Variants in ESRRB observed in about 807,000 individuals in gnomAD.
ESRRB encodes estrogen related receptor beta, also known as steroid hormone receptor ERR2.
In ESRRB, 16 loss-of-function variants were observed where a neutral mutation model predicts 46.0. That is an observed-to-expected ratio of 0.35 (90% CI 0.24 to 0.53). The LOEUF is 0.53. Ranked by LOEUF, ESRRB falls within the 20% of genes least tolerant of loss-of-function variation. The pLI is 0.93. For missense variants in ESRRB, 488 were observed against 607.4 expected (o/e 0.80, Z 2.07); for synonymous variants, 246 against 259.6 (o/e 0.95, Z 0.50).
chr14:76,383,842 A>C (rs1885112843), intron 1 of ESRRB, among the ~76,000 whole-genome samples: 1 of 152,230 alleles, frequency 6.6e-6, no homozygotes, highest in African/African-American at 2.4e-5. Context: ...GTTTTGGTGA[A>C]AAAAACAAGA....
chr14:76,332,744 TTATATATTATATATAAATATATAA>T (rs1884042469), intron 1 of ESRRB, among the ~76,000 whole-genome samples: 1 of 12,978 alleles, frequency 7.7e-5, no homozygotes, highest in Non-Finnish European at 1.2e-4. Context: ...TATTATATAT[TTATATATTATATATAAATATATAA>T]TATATATTAT....
chr14:76,358,393 A>AGAG (rs1884421273), intron 1 of ESRRB, among the ~76,000 whole-genome samples: 1 of 121,966 alleles, frequency 8.2e-6, no homozygotes, highest in African/African-American at 3.1e-5. Flanking sequence ...GAAAGAAAGA[A>AGAG]AGAAAGAAAG....
At chr14:76,362,890 C>G (rs1278905721) in intron 1 of ESRRB, among the ~76,000 whole-genome samples, 1 of 152,134 alleles carries the variant, frequency 6.6e-6, no homozygotes, top group Non-Finnish European at 1.5e-5. Context: ...CTACTCAGGG[C>G]TCTTTTTTAA....
At chr14:76,427,135 G>A (rs1227133492) in intron 1 of ESRRB, among the ~76,000 whole-genome samples, 1 of 152,142 alleles carries the variant, frequency 6.6e-6, no homozygotes, top group Non-Finnish European at 1.5e-5. Context: ...CACTGCACAT[G>A]GGAGGGAAGA....
chr14:76,312,000 T>A (rs552508645), intron 1 of ESRRB, among the ~76,000 whole-genome samples: 1 of 134,316 alleles, frequency 7.4e-6, no homozygotes, highest in South Asian at 2.7e-4. Flanking sequence ...AAAGTAATGA[T>A]GCCTAATTTA....
intron 1 of ESRRB, among the ~76,000 whole-genome samples, chr14:76,355,956 C>G (rs1010869433): frequency 6.6e-6 from 1 of 152,206 alleles, no homozygotes; most frequent in African/African-American, 2.4e-5. Context: ...TCTCTTCCCC[C>G]CAACCTTGAG....
At chr14:76,394,327 G>A (rs560808591) in intron 1 of ESRRB, among the ~76,000 whole-genome samples, 7 of 152,192 alleles carry the variant, frequency 4.6e-5, no homozygotes, top group African/African-American at 1.4e-4. Context: ...TGATGCTCAC[G>A]ACAATAGTAA....
upstream of ESRRB, among the ~76,000 whole-genome samples, chr14:76,375,299 T>C (rs530484073): frequency 6.6e-6 from 1 of 152,238 alleles, no homozygotes; most frequent in South Asian, 2.1e-4. Flanking sequence ...AATATTCGGG[T>C]TCACTGAGGG....
At chr14:76,362,946 G>A (rs1410955961) in intron 1 of ESRRB, among the ~76,000 whole-genome samples, 1 of 152,146 alleles carries the variant, frequency 6.6e-6, no homozygotes, top group Non-Finnish European at 1.5e-5. Flanking sequence ...AGACCCATTA[G>A]GCAAAAACAT....
intron 1 of ESRRB, among the ~76,000 whole-genome samples, chr14:76,380,091 C>T (rs1206081001): frequency 6.6e-6 from 1 of 152,086 alleles, no homozygotes; most frequent in Non-Finnish European, 1.5e-5. Context: ...ATAACTTTGT[C>T]CTGCGTGTGC....
chr14:76,498,418 T>C lies in ESRRB; in HGVS notation c.1325T>C (p.Met442Thr). The C allele has an allele frequency of 6.2e-7, 1 of 1,613,546 alleles. No individual in the cohort carries two copies. Among genetic ancestry groups the C allele is most frequent in the Non-Finnish European group, 8.5e-7 (1 of 1,180,002 alleles). Reference sequence around the variant, plus strand: ...GTCAAACTGCAGGGCAAAGTGCCCATGCACAAACTCTTCCTGGAGATGCTG... The same window carrying C: ...GTCAAACTGCAGGGCAAAGTGCCCACGCACAAACTCTTCCTGGAGATGCTG... ...YSVKLQGKVP[M>T]HKLFLEMLEA... is the part of the protein sequence containing the mutation. Residue 442 changes from methionine (M) to threonine (T), a missense_variant, in exon 7 of 7, where the codon ATG becomes ACG. Physicochemically the swap from Met to Thr is moderately conservative, Grantham distance 81. Transcript: ENST00000644823.
chr14:76,477,321 G>C (rs927025715), intron 3 of ESRRB, among the ~76,000 whole-genome samples: 5 of 152,204 alleles, frequency 3.3e-5, no homozygotes, highest in Admixed American at 2.0e-4. Context: ...AGGGAAACCA[G>C]CATGAGGTGG....
chr14:76,313,119 G>C (rs1011904763), intron 1 of ESRRB, among the ~76,000 whole-genome samples: 16 of 139,670 alleles, frequency 1.1e-4, no homozygotes, highest in African/African-American at 4.3e-4. Context: ...TTTCAGGTGA[G>C]ATAGGGGCTT....
chr14:76,498,548 A>C lies in ESRRB; in HGVS notation c.*90A>C, dbSNP rs1890526406. The stretch of plus-strand genomic sequence containing the variant: ...TCCACAGCCACCAGCCTCCACCTTC[A>C]ACCCCTGTATCATGGCTCTGAGCTG... On this transcript the variant is annotated 3_prime_UTR_variant, in exon 7 of 7. Transcript: ENST00000644823. 1.3e-6 allele frequency: 2 copies of C among 1,503,614 alleles called. No homozygotes were observed. The allele number at this position is 1,503,614 out of a possible 1,614,324, so 93.1% of individuals were successfully genotyped here. A position where few individuals can be genotyped will look rare whatever the true frequency, so the allele number is the denominator to read the frequency against.
Position 76,500,650 on chromosome 14 carries a change from G to T in ESRRB, c.*2192G>T, listed in dbSNP as rs887990637. ...CTGCTCAAGCTGGAGGACCCAGGCG[G>T]CAGGGCATCATGCCCAGCTGGCATC... On this transcript the variant is annotated 3_prime_UTR_variant, in exon 7 of 7. Coordinates refer to ENST00000644823, the MANE Select transcript of ESRRB (RefSeq NM_001379180.1). 4.3e-6 allele frequency: 7 copies of T among 1,610,818 alleles called. No individual in the cohort carries two copies. The highest frequency in any genetic ancestry group is 5.9e-6 in the Non-Finnish European group (7 of 1,177,544).
chr14:76,413,529 C>G (rs956166202), intron 1 of ESRRB, among the ~76,000 whole-genome samples: 1 of 152,156 alleles, frequency 6.6e-6, no homozygotes, highest in African/African-American at 2.4e-5. Flanking sequence ...CTCCAGGAAG[C>G]CTTCCCTGAC....
chr14:76,353,520 C>A (rs577607644), intron 1 of ESRRB, among the ~76,000 whole-genome samples: 1 of 152,162 alleles, frequency 6.6e-6, no homozygotes, highest in Admixed American at 6.5e-5. Context: ...ATTTATGAAC[C>A]GCTAAGCATG....
intron 1 of ESRRB, among the ~76,000 whole-genome samples, chr14:76,323,885 A>C (rs892927522): frequency 7.9e-5 from 12 of 152,156 alleles, no homozygotes; most frequent in African/African-American, 2.4e-4. Context: ...TTTCCCCCAG[A>C]GTGGGCGAGT....
rs2140067579 is a variant in ESRRB, at chr14:76,499,975, CG to C, written c.*1521del. 1 of 1,600,692 alleles carries C rather than the reference CG, an allele frequency of 6.2e-7. No homozygotes were observed. On this transcript the variant is annotated 3_prime_UTR_variant, in exon 7 of 7. Coordinates refer to ENST00000644823, the MANE Select transcript of ESRRB (RefSeq NM_001379180.1). ...ACAAGCAGGGATCAGAGCAACTCCC[CG>C]GGGATCCCCAATCCACGCCCTTCTA...
Sources: allele counts gnomAD v4.1 joint callset (sites outside exome capture counted in the v4.1 genomes callset), GRCh38; gene constraint gnomAD v4.1.1; transcripts MANE v1.5; gene names NCBI Gene and HGNC (gene_info 2026-07-23, HGNC 2026-07-21).